HS2ST1: variants seen among roughly 807,000 people sequenced by gnomAD.
The protein encoded by HS2ST1 is 2-O-sulfotransferase.
Under a neutral mutation model 42.9 loss-of-function variants are expected in HS2ST1, and 18 were observed. That is an observed-to-expected ratio of 0.42 (90% CI 0.29 to 0.62). The LOEUF (loss-of-function observed/expected upper bound fraction) is 0.62. Among genes scored for constraint, HS2ST1 ranks in the 20% least tolerant of loss-of-function variants. The probability of loss-of-function intolerance (pLI) is 0.21; values close to 1 mark genes in which losing one functional copy is unlikely to be tolerated. For synonymous variants in HS2ST1, 146 were observed against 152.9 expected (o/e 0.95, Z 0.33); for missense variants, 334 against 433.8 (o/e 0.77, Z 2.04).
chr1:87,092,195 GA>G (rs1651962575), intron 3 of HS2ST1, among the ~76,000 whole-genome samples: 1 of 151,876 alleles, frequency 6.6e-6, no homozygotes, highest in Non-Finnish European at 1.5e-5. Context: ...TTTGAGAGGG[GA>G]TTTTCTACTT....
intron 1 of HS2ST1, among the ~76,000 whole-genome samples, chr1:86,943,549 T>G (rs1199729): frequency 0.097 from 14,536 of 149,366 alleles, 950 homozygotes; most frequent in African/African-American, 0.19. Flanking sequence ...TGGCAAAACG[T>G]TGTCTCTACA....
intron 4 of HS2ST1, among the ~76,000 whole-genome samples, chr1:87,095,864 C>A (rs891602450): frequency 4.6e-5 from 7 of 151,628 alleles, no homozygotes; most frequent in Non-Finnish European, 1.0e-4. Context: ...TATTTTAATG[C>A]ACATAACTAT....
At chr1:87,003,048 C>T (rs1649337980) in intron 1 of HS2ST1, among the ~76,000 whole-genome samples, 1 of 152,206 alleles carries the variant, frequency 6.6e-6, no homozygotes, top group Admixed American at 6.5e-5. Context: ...GCGTGTGGCC[C>T]ACGCCCTGAT....
intron 1 of HS2ST1, chr1:87,046,583 C>A (rs989761743): frequency 1.0e-4 from 157 of 1,577,540 alleles, no homozygotes; most frequent in Non-Finnish European, 1.4e-4. Flanking sequence ...GAAAAGGAAA[C>A]CTCCAGTTCT....
At position 86,985,453 on chromosome 1, in the gene HS2ST1, C is replaced by CACACGTATAT. The variant is rs1256210106; in HGVS notation, c.124+70297_124+70298insGTATATACAC. ...ATACACACATATATACACATATATA[C>CACACGTATAT]ACACATATATACACATATATACACA... On this transcript the variant is annotated intron_variant, in intron 1 of 6. Transcript: ENST00000370550. 1.2e-3 allele frequency among the ~76,000 whole-genome samples: 77 copies of CACACGTATAT among 61,614 alleles called. 6 individuals carry two copies. The highest frequency in any genetic ancestry group is 3.2e-3 in the African/African-American group (73 of 22,852). The allele number at this position is 61,614 out of a possible 152,430, so 40.4% of individuals were successfully genotyped here. A position where few individuals can be genotyped will look rare whatever the true frequency, so the allele number is the denominator to read the frequency against.
intron 1 of HS2ST1, among the ~76,000 whole-genome samples, chr1:86,936,363 C>T (rs912038687): frequency 6.6e-6 from 1 of 152,008 alleles, no homozygotes; most frequent in South Asian, 2.1e-4. Context: ...CCAAATTATA[C>T]TTTTTGTGCC....
At chr1:87,087,385 A>G (rs1386243250) in intron 3 of HS2ST1, among the ~76,000 whole-genome samples, 2 of 152,126 alleles carry the variant, frequency 1.3e-5, no homozygotes, top group African/African-American at 2.4e-5. Context: ...TATTTTTGAT[A>G]TAACAGTTTT....
rs149454102 is a variant in HS2ST1, at chr1:86,973,690, C to T, written c.124+58530C>T. Among the ~76,000 whole-genome samples, 698 of 152,212 alleles carry T rather than the reference C, an allele frequency of 4.6e-3. 4 individuals are homozygous for T. The highest frequency in any genetic ancestry group is 0.021 in the Middle Eastern group (6 of 292). On this transcript the variant is annotated intron_variant, in intron 1 of 6. Coordinates refer to ENST00000370550, the MANE Select transcript of HS2ST1 (RefSeq NM_012262.4). ...ATATCTTCTATCTTAATTTTTTTCC[C>T]AAAACCTTATAGTGTACATTTGAAG...
intron 1 of HS2ST1, among the ~76,000 whole-genome samples, chr1:86,941,617 C>CA (rs1405706031): frequency 6.6e-6 from 1 of 151,726 alleles, no homozygotes; most frequent in Admixed American, 6.6e-5. Context: ...ACTGAAAATA[C>CA]AAAAAAATTA....
intron 1 of HS2ST1, among the ~76,000 whole-genome samples, chr1:86,984,470 T>C (rs1252934954): frequency 2.0e-5 from 3 of 152,206 alleles, no homozygotes; most frequent in Non-Finnish European, 4.4e-5. Context: ...GGTGACTAAT[T>C]AGAGTTTGGA....
At chr1:87,087,376 A>T (rs916675959) in intron 3 of HS2ST1, among the ~76,000 whole-genome samples, 2 of 152,068 alleles carry the variant, frequency 1.3e-5, no homozygotes, top group South Asian at 4.1e-4. Context: ...TTTGAAAATT[A>T]TTTTTGATAT....
chr1:87,104,437 T>A, intron 6 of HS2ST1, 33 bp from the exon 7 acceptor site: 1 of 1,377,766 alleles, frequency 7.3e-7, no homozygotes, highest in Non-Finnish European at 1.0e-6. Flanking sequence ...CAAGAATTAT[T>A]TACCTTTCCT....
chr1:87,065,580 G>C lies in HS2ST1; in HGVS notation c.125-7354G>C, dbSNP rs114174958. Among the ~76,000 whole-genome samples, 868 of 152,270 alleles carry C rather than the reference G, an allele frequency of 5.7e-3. 3 individuals carry two copies. Among genetic ancestry groups the C allele is most frequent in the Non-Finnish European group, 9.9e-3 (672 of 68,018 alleles). On this transcript the variant is annotated intron_variant, in intron 1 of 6. Transcript: ENST00000370550. Reference sequence around the variant, plus strand: ...TTAATCTAGGGTCATAGACCCCCTTGCCTGTGGTTGGGCTCTAAGAGGAAG... The same window carrying C: ...TTAATCTAGGGTCATAGACCCCCTTCCCTGTGGTTGGGCTCTAAGAGGAAG...
chr1:86,916,045 AAGT>A (rs1481295954), intron 1 of HS2ST1, among the ~76,000 whole-genome samples: 1 of 152,204 alleles, frequency 6.6e-6, no homozygotes, highest in African/African-American at 2.4e-5. Flanking sequence ...AGGGGGTCTA[AAGT>A]ACAAAAAGTT....
At chr1:87,088,870 T>G in intron 3 of HS2ST1, among the ~76,000 whole-genome samples, 1 of 152,064 alleles carries the variant, frequency 6.6e-6, no homozygotes, top group Non-Finnish European at 1.5e-5. Context: ...TTCACTTTTT[T>G]GGATACAGGA....
chr1:87,058,041 G>T (rs2100620144), intron 1 of HS2ST1, among the ~76,000 whole-genome samples: 1 of 151,682 alleles, frequency 6.6e-6, no homozygotes, highest in African/African-American at 2.4e-5. Context: ...TTAGCCTCGG[G>T]GTGAGTGGGT....
chr1:87,101,855 A>C (rs1203755490), intron 5 of HS2ST1, among the ~76,000 whole-genome samples: 2 of 152,152 alleles, frequency 1.3e-5, no homozygotes, highest in East Asian at 3.9e-4. Context: ...GGAATACCTG[A>C]GATGGTAATT....
intron 1 of HS2ST1, among the ~76,000 whole-genome samples, chr1:86,994,675 G>A (rs1649047143): frequency 6.6e-6 from 1 of 151,822 alleles, no homozygotes; most frequent in East Asian, 1.9e-4. Context: ...GGGTCTCAGT[G>A]GTTAAGTCCA....
intron 3 of HS2ST1, among the ~76,000 whole-genome samples, chr1:87,090,081 A>G (rs909998243): frequency 2.6e-5 from 4 of 152,066 alleles, no homozygotes; most frequent in African/African-American, 9.7e-5. Flanking sequence ...GTAGTTTCCT[A>G]TTAAAAACCT....
Sources: allele counts gnomAD v4.1 joint callset (sites outside exome capture counted in the v4.1 genomes callset), GRCh38; gene constraint gnomAD v4.1.1; transcripts MANE v1.5; gene names NCBI Gene and HGNC (gene_info 2026-07-23, HGNC 2026-07-21).